The following CHD3 variants were observed in gnomAD, a reference collection of about 807,000 sequenced individuals.
CHD3 encodes the protein chromodomain helicase DNA binding protein 3, also known as ATP-dependent chromatin remodeler CHD3.
Under a neutral mutation model 248.9 loss-of-function variants are expected in CHD3, and 52 were observed. The observed-to-expected ratio is 0.21, with a 90% confidence interval of 0.17 to 0.26. CHD3 has a LOEUF of 0.26. Ranked by LOEUF, CHD3 falls within the 10% of genes least tolerant of loss-of-function variation. The pLI is 1.00. For missense variants in CHD3, 1,482 were observed against 2,605.8 expected (o/e 0.57, Z 9.39); for synonymous variants, 985 against 985.2 (o/e 1.00, Z 0.00).
Position 7,906,176 on chromosome 17 carries a change from C to A in CHD3, c.4358+187C>A. On this transcript the variant is annotated intron_variant, in intron 28 of 39. Transcript: ENST00000330494. This position sits in a 1 kb window ranked among gnomAD's most constrained non-coding sequence, Gnocchi z 5.0. ...CCCACTCCACCTCCCCTCAGCCGAG[C>A]CTAGAGTAGAGGGGCCAGGCATCCT... 1.0e-6 allele frequency: 1 copy of A among 953,612 alleles called. No individual in the cohort carries two copies. The highest frequency in any genetic ancestry group is 1.7e-6 in the Non-Finnish European group (1 of 591,694). The allele number at this position is 953,612 out of a possible 1,614,324, so 59.1% of individuals were successfully genotyped here. A position where few individuals can be genotyped will look rare whatever the true frequency, so the allele number is the denominator to read the frequency against.
rs749734103 is a variant in CHD3, at chr17:7,899,506, A to G, written c.2507A>G (p.Asn836Ser). 3.1e-6 allele frequency: 5 copies of G among 1,614,118 alleles called. No homozygotes were observed. The highest frequency in any genetic ancestry group is 1.1e-5 in the South Asian group (1 of 91,078). ...IRENEFSFEDNAIKGGKKAFK... is the reference protein window; with the variant it reads ...IRENEFSFEDSAIKGGKKAFK... The stretch of plus-strand genomic sequence containing the variant: ...GAGAATGAATTCTCCTTTGAGGACA[A>G]TGCCATCAAAGGGGGCAAGAAAGCT... Residue 836 changes from asparagine (N) to serine (S), a missense_variant, in exon 15 of 40, where the codon AAT (asparagine) becomes AGT (serine). Around this residue, in one of 20 missense-constraint regions of CHD3, gnomAD observed 49 missense variants for 93.8 expected, o/e 0.52. Transcript: ENST00000330494. The surrounding 1 kb of genome is among the most constrained non-coding windows in gnomAD (Gnocchi z 6.8).
Position 7,907,918 on chromosome 17 carries a change from TTCGACCAGGGCC to T in CHD3, c.5056_5067del (p.Pro1686_Arg1689del). Reference sequence around the variant, plus strand: ...GAAGATGTAAAAGGTGACCGGGAGCTTCGACCAGGGCCTCGAGATGAGCCACGGTCCAATGGG... The same window carrying T: ...GAAGATGTAAAAGGTGACCGGGAGCTTCGAGATGAGCCACGGTCCAATGGG... On this transcript the variant is annotated inframe_deletion, in exon 34 of 40. Transcript: ENST00000330494. The surrounding 1 kb of genome is among the most constrained non-coding windows in gnomAD (Gnocchi z 4.3). 6.2e-7 allele frequency: 1 copy of T among 1,612,418 alleles called. No homozygotes were observed. Among genetic ancestry groups the T allele is most frequent in the Non-Finnish European group, 8.5e-7 (1 of 1,178,866 alleles).
rs1970560493 is a variant in CHD3, at chr17:7,903,593, C to G, written c.3727+90C>G. The G allele has an allele frequency of 8.5e-6, 10 of 1,174,024 alleles. No individual in the cohort carries two copies. Among genetic ancestry groups the G allele is most frequent in the Non-Finnish European group, 1.2e-5 (10 of 826,524 alleles). The allele number at this position is 1,174,024 out of a possible 1,614,324, so 72.7% of individuals were successfully genotyped here. ...CCCTGGGGAGAGAAAAACAACTCTT[C>G]TCTGCAGCCTTTGAAGGAAGGAGAG... On this transcript the variant is annotated intron_variant, in intron 23 of 39. Transcript: ENST00000330494. The surrounding 1 kb of genome is among the most constrained non-coding windows in gnomAD (Gnocchi z 6.8).
In CHD3 at chr17:7,908,276, A is replaced by T; in HGVS notation, c.5153-126A>T. 1.2e-6 allele frequency: 1 copy of T among 868,002 alleles called. No individual in the cohort carries two copies. Among genetic ancestry groups the T allele is most frequent in the Non-Finnish European group, 1.8e-6 (1 of 557,082 alleles). The allele number at this position is 868,002 out of a possible 1,614,324, so 53.8% of individuals were successfully genotyped here. On this transcript the variant is annotated intron_variant, in intron 34 of 39. Coordinates refer to ENST00000330494, the MANE Select transcript of CHD3 (RefSeq NM_001005273.3). This position sits in a 1 kb window ranked among gnomAD's most constrained non-coding sequence, Gnocchi z 5.8. ...TGAGTTTGTTCCAAACCTAACCTTT[A>T]CCCATTCCTCTTCAGGAGCCCTTAG...
At chr17:7,896,408 A>ATT (rs199832347) in intron 10 of CHD3, among the ~76,000 whole-genome samples, 1 of 121,112 alleles carries the variant, frequency 8.3e-6, no homozygotes, top group African/African-American at 3.1e-5. Context: ...TTTTTTTTCT[A>ATT]TTTTTTTTTT....
At position 7,904,953 on chromosome 17, in the gene CHD3, T is replaced by C; in HGVS notation, c.4073-147T>C. 1 of 737,412 alleles carries C rather than the reference T, an allele frequency of 1.4e-6. No individual in the cohort carries two copies. Among genetic ancestry groups the C allele is most frequent in the Non-Finnish European group, 2.4e-6 (1 of 425,130 alleles). 45.7% of individuals were successfully genotyped at this position (737,412 alleles called of 1,614,324 possible). ...GATATGCGGCTCCCAAGTCAGACTT[T>C]GGGCAGTGATCTGGTGTTCCCAGAA... On this transcript the variant is annotated intron_variant, in intron 25 of 39. Coordinates refer to ENST00000330494, the MANE Select transcript of CHD3 (RefSeq NM_001005273.3). The surrounding 1 kb of genome is among the most constrained non-coding windows in gnomAD (Gnocchi z 4.4).
rs1209565617 is a variant in CHD3, at chr17:7,905,044, G to T, written c.4073-56G>T. The T allele has an allele frequency of 1.3e-6, 2 of 1,509,756 alleles. No individual in the cohort carries two copies. Among genetic ancestry groups the T allele is most frequent in the African/African-American group, 2.7e-5 (2 of 72,800 alleles). 93.5% of individuals were successfully genotyped at this position (1,509,756 alleles called of 1,614,324 possible). Reference sequence around the variant, plus strand: ...AGGAATCCAGCCAGAAAGGGCCTCAGCATGGGCATATCCCGAGAGCCCTCC... The same window carrying T: ...AGGAATCCAGCCAGAAAGGGCCTCATCATGGGCATATCCCGAGAGCCCTCC... On this transcript the variant is annotated intron_variant, in intron 25 of 39. Coordinates refer to ENST00000330494, the MANE Select transcript of CHD3 (RefSeq NM_001005273.3). The surrounding 1 kb of genome is among the most constrained non-coding windows in gnomAD (Gnocchi z 5.8).
Position 7,899,797 on chromosome 17 carries a change from T to TC in CHD3, c.2545-97dup. On this transcript the variant is annotated intron_variant, in intron 15 of 39. Coordinates refer to ENST00000330494, the MANE Select transcript of CHD3 (RefSeq NM_001005273.3). The surrounding 1 kb of genome is among the most constrained non-coding windows in gnomAD (Gnocchi z 6.8). ...CCTGCTTGGAGAACAGAGTAATGGC[T>TC]CCTGTTGGGAGCCACAGTCAGGACA... 6.9e-7 allele frequency: 1 copy of TC among 1,448,976 alleles called. No individual in the cohort carries two copies. Among genetic ancestry groups the TC allele is most frequent in the South Asian group, 1.3e-5 (1 of 78,582 alleles). 89.8% of individuals were successfully genotyped at this position (1,448,976 alleles called of 1,614,324 possible).
Position 7,908,685 on chromosome 17 carries a change from C to T in CHD3, c.5262-12C>T, listed in dbSNP as rs1426580607. ...TTAAATTCCTTGATGGTTCCTTTTC[C>T]TTCATTGGTAGCCATGGCTATGCAC... On this transcript the variant is annotated splice_polypyrimidine_tract_variant and intron_variant, in intron 35 of 39. Coordinates refer to ENST00000330494, the MANE Select transcript of CHD3 (RefSeq NM_001005273.3). This position sits in a 1 kb window ranked among gnomAD's most constrained non-coding sequence, Gnocchi z 5.8. The T allele has an allele frequency of 5.6e-6, 9 of 1,613,786 alleles. No individual in the cohort carries two copies. Among genetic ancestry groups the T allele is most frequent in the Non-Finnish European group, 6.8e-6 (8 of 1,179,860 alleles).
chr17:7,894,371 C>A (rs1451382611), intron 7 of CHD3, 44 bp from the exon 8 acceptor site: 1 of 1,591,796 alleles, frequency 6.3e-7, no homozygotes, highest in Non-Finnish European at 8.6e-7. Context: ...CTCTCCATCT[C>A]CCCCTGCCCT....
At position 7,907,802 on chromosome 17, in the gene CHD3, G is replaced by C; in HGVS notation, c.5027-92G>C. 10 of 1,516,918 alleles carry C rather than the reference G, an allele frequency of 6.6e-6. No homozygotes were observed. Among genetic ancestry groups the C allele is most frequent in the African/African-American group, 1.4e-5 (1 of 71,144 alleles). The allele number at this position is 1,516,918 out of a possible 1,614,324, so 94.0% of individuals were successfully genotyped here. ...TTGGGTCCTGGGCGGGTAGCTGTTT[G>C]AAAGGCCAGTACAGTACAGTACAGA... On this transcript the variant is annotated intron_variant, in intron 33 of 39. Transcript: ENST00000330494. The surrounding 1 kb of genome is among the most constrained non-coding windows in gnomAD (Gnocchi z 4.3).
chr17:7,888,815 G>A lies in CHD3; in HGVS notation c.-186G>A. Reference sequence around the variant, plus strand: ...TATCTTTGTTTGGGTCTCCCATACTGCGTATAGATGAATGGGTCAGGATAT... The same window carrying A: ...TATCTTTGTTTGGGTCTCCCATACTACGTATAGATGAATGGGTCAGGATAT... On this transcript the variant is annotated 5_prime_UTR_variant, in exon 1 of 40. Transcript: ENST00000330494. 6.9e-7 allele frequency: 1 copy of A among 1,439,034 alleles called. No homozygotes were observed. The highest frequency in any genetic ancestry group is 9.1e-7 in the Non-Finnish European group (1 of 1,101,376). 89.1% of individuals were successfully genotyped at this position (1,439,034 alleles called of 1,614,324 possible).
rs759960517 is a variant in CHD3, at chr17:7,904,128, G to C, written c.3894+137G>C. ...CCTCAAACAACTTCTTCGTCTAATA[G>C]GTGAGACTGGACTTCAGAGAGAAAC... On this transcript the variant is annotated intron_variant, in intron 24 of 39. Coordinates refer to ENST00000330494, the MANE Select transcript of CHD3 (RefSeq NM_001005273.3). The surrounding 1 kb of genome is among the most constrained non-coding windows in gnomAD (Gnocchi z 4.4). 2.3e-6 allele frequency: 2 copies of C among 863,250 alleles called. No homozygotes were observed. Among genetic ancestry groups the C allele is most frequent in the Admixed American group, 5.4e-5 (2 of 36,864 alleles). 53.5% of individuals were successfully genotyped at this position (863,250 alleles called of 1,614,324 possible). A position where few individuals can be genotyped will look rare whatever the true frequency, so the allele number is the denominator to read the frequency against.
chr17:7,894,172 A>G lies in CHD3; in HGVS notation c.982A>G (p.Ser328Gly). The G allele has an allele frequency of 6.2e-7, 1 of 1,614,218 alleles. No homozygotes were observed. Among genetic ancestry groups the G allele is most frequent in the Non-Finnish European group, 8.5e-7 (1 of 1,180,016 alleles). The change falls in exon 7 of 40, where the codon AGT (serine) becomes GGT (glycine). Residue 328 changes from serine (S) to glycine (G), a missense_variant. Around this residue, in one of 20 missense-constraint regions of CHD3, gnomAD observed 149 missense variants for 182.6 expected, o/e 0.82. Coordinates refer to ENST00000330494, the MANE Select transcript of CHD3 (RefSeq NM_001005273.3). ...AGAGGCTGAGGAATCAGACCTGGAC[A>G]GTGGCAGTGTCCACAGTGCCTCAGG... ...EPEAEESDLD[S>G]GSVHSASGRP...
At chr17:7,886,139 T>C (rs990911196), upstream of CHD3, among the ~76,000 whole-genome samples, 2 of 152,310 alleles carry the variant, frequency 1.3e-5, no homozygotes, top group South Asian at 2.1e-4. The surrounding 1 kb of genome is among the most constrained non-coding windows in gnomAD (Gnocchi z 4.2). Flanking sequence ...CCTGAGCACG[T>C]TGGGGGGCGT....
At position 7,893,275 on chromosome 17, in the gene CHD3, T is replaced by G; in HGVS notation, c.510-11T>G. 1.3e-6 allele frequency: 2 copies of G among 1,596,000 alleles called. No individual in the cohort carries two copies. Among genetic ancestry groups the G allele is most frequent in the Non-Finnish European group, 1.7e-6 (2 of 1,169,210 alleles). ...GTGAAGGGTCCGAGTTTTCTGCTTC[T>G]ATATTTACAGGCCCCTAATTGCTAA... On this transcript the variant is annotated splice_polypyrimidine_tract_variant and intron_variant, in intron 4 of 39. Coordinates refer to ENST00000330494, the MANE Select transcript of CHD3 (RefSeq NM_001005273.3).
At position 7,910,198 on chromosome 17, in the gene CHD3, A is replaced by G. The variant is rs1166892190; in HGVS notation, c.5591-230A>G. 2.0e-6 allele frequency: 1 copy of G among 511,168 alleles called. No individual in the cohort carries two copies. The highest frequency in any genetic ancestry group is 2.0e-5 in the African/African-American group (1 of 49,002). 31.7% of individuals were successfully genotyped at this position (511,168 alleles called of 1,614,324 possible). ...TTCTCTCCATCTGTCTTCTGTGGTAATCTGGTCTCTCTGTCTCTTTTCCTG... is the reference window on the plus strand; with the variant it reads ...TTCTCTCCATCTGTCTTCTGTGGTAGTCTGGTCTCTCTGTCTCTTTTCCTG... On this transcript the variant is annotated intron_variant, in intron 37 of 39. Transcript: ENST00000330494. This position sits in a 1 kb window ranked among gnomAD's most constrained non-coding sequence, Gnocchi z 4.7.
In CHD3 at chr17:7,898,537, A is replaced by G. The variant is rs376699870; in HGVS notation, c.2093A>G (p.Tyr698Cys). The G allele has an allele frequency of 2.5e-6, 4 of 1,614,156 alleles. No homozygotes were observed. Among genetic ancestry groups the G allele is most frequent in the Non-Finnish European group, 3.4e-6 (4 of 1,179,994 alleles). Reference sequence around the variant, plus strand: ...GAAGACCCTGCCCAGCCCCGCAAGTATAAGAAGAAGAAGAAGGAGCTACAG... The same window carrying G: ...GAAGACCCTGCCCAGCCCCGCAAGTGTAAGAAGAAGAAGAAGGAGCTACAG... ...MGEDPAQPRK[Y>C]KKKKKELQGD... The change falls in exon 13 of 40, where the codon TAT (tyrosine) becomes TGT (cysteine). Residue 698 changes from tyrosine to cysteine, a missense_variant. Tyr to Cys is a radical substitution (Grantham distance 194, BLOSUM62 -2). Around this residue, in one of 20 missense-constraint regions of CHD3, gnomAD observed 127 missense variants for 188.3 expected, o/e 0.67. Transcript: ENST00000330494.
At position 7,903,715 on chromosome 17, in the gene CHD3, G is replaced by A. The variant is rs957387039; in HGVS notation, c.3728-110G>A. On this transcript the variant is annotated intron_variant, in intron 23 of 39. Coordinates refer to ENST00000330494, the MANE Select transcript of CHD3 (RefSeq NM_001005273.3). This position sits in a 1 kb window ranked among gnomAD's most constrained non-coding sequence, Gnocchi z 6.8. ...AAACCTTTCAACATTGGCTCCCGGGGAAAAAGCCTTCTCTAGGGCTCCTGT... is the reference window on the plus strand; with the variant it reads ...AAACCTTTCAACATTGGCTCCCGGGAAAAAAGCCTTCTCTAGGGCTCCTGT... The A allele has an allele frequency of 7.8e-6, 10 of 1,277,512 alleles. No individual in the cohort carries two copies. Among genetic ancestry groups the A allele is most frequent in the Middle Eastern group, 2.2e-4 (1 of 4,644 alleles). 79.1% of individuals were successfully genotyped at this position (1,277,512 alleles called of 1,614,324 possible). A position where few individuals can be genotyped will look rare whatever the true frequency, so the allele number is the denominator to read the frequency against.
Sources: gnomAD v4.1 joint callset for allele counts (sites outside exome capture counted in the v4.1 genomes callset) on GRCh38, gnomAD v4.1.1 for gene constraint, gnomAD v4.1.1 regional missense constraint, Gnocchi (gnomAD v3.1) non-coding constraint, MANE v1.5 for transcripts, NCBI Gene and HGNC (gene_info 2026-07-23, HGNC 2026-07-21) for gene names.